RANBP2: variants seen among roughly 807,000 people sequenced by gnomAD.
RANBP2 encodes RAN binding protein 2.
In RANBP2, 57 loss-of-function variants were observed where a neutral mutation model predicts 303.6. The ratio of observed to expected loss-of-function variants is 0.19; its 90% CI spans 0.15 to 0.23. The LOEUF (loss-of-function observed/expected upper bound fraction) is 0.23, where lower values mean the gene tolerates loss of function less well. Among genes scored for constraint, RANBP2 ranks in the 10% least tolerant of loss-of-function variants. The pLI is 1.00. For missense variants in RANBP2, 3,138 were observed against 3,780.8 expected (o/e 0.83, Z 4.46); for synonymous variants, 1,167 against 1,301.5 (o/e 0.90, Z 2.23).
At chr2:108,833,156 T>G in the RANBP2 span, among the ~76,000 whole-genome samples, 1 of 152,206 alleles carries the variant, frequency 6.6e-6, no homozygotes, top group African/African-American at 2.4e-5. Flanking sequence ...GTGAAATTAT[T>G]TCCTGTGATA....
Position 108,768,220 on chromosome 2 carries a change from A to G in RANBP2, c.7681A>G (p.Ser2561Gly), listed in dbSNP as rs1280266919. 6 of 1,612,064 alleles carry G rather than the reference A, an allele frequency of 3.7e-6. No homozygotes were observed. The highest frequency in any genetic ancestry group is 5.1e-6 in the Non-Finnish European group (6 of 1,179,860). ...APLKSNNSETSSVAQSGSESK... is the reference protein window; with the variant it reads ...APLKSNNSETGSVAQSGSESK... ...TTTGAAAAGTAACAATAGTGAAACT[A>G]GTTCAGTAGCCCAGAGTGGATCTGA... Residue 2561 changes from serine (S) to glycine (G), a missense_variant, in exon 20 of 29, where the codon AGT becomes GGT. Ser to Gly is a moderately conservative substitution (Grantham distance 56, BLOSUM62 0). Coordinates refer to ENST00000283195, the MANE Select transcript of RANBP2 (RefSeq NM_006267.5).
the RANBP2 span, among the ~76,000 whole-genome samples, chr2:109,771,364 T>A: frequency 2.3e-5 from 2 of 85,208 alleles, 1 homozygote; most frequent in Admixed American, 2.9e-4. Flanking sequence ...TAAAGTCCGT[T>A]CTGCCTGAGC....
the RANBP2 span, among the ~76,000 whole-genome samples, chr2:109,326,479 G>T: frequency 6.6e-6 from 1 of 152,154 alleles, no homozygotes; most frequent in Non-Finnish European, 1.5e-5. Context: ...GGTGAGAGAC[G>T]TTTCCTTCTG....
chr2:109,600,582 C>T, the RANBP2 span, among the ~76,000 whole-genome samples: 1 of 151,154 alleles, frequency 6.6e-6, no homozygotes. Context: ...TGCTCTCACA[C>T]AACACAGGAT....
chr2:108,960,686 T>G, the RANBP2 span, among the ~76,000 whole-genome samples: 1 of 152,206 alleles, frequency 6.6e-6, no homozygotes, highest in South Asian at 2.1e-4. Context: ...AGAAGAAAAC[T>G]AAAAATCACT....
chr2:109,628,111 G>A, the RANBP2 span, among the ~76,000 whole-genome samples: 1 of 152,122 alleles, frequency 6.6e-6, no homozygotes. Flanking sequence ...ACATCTTCTG[G>A]GAGGATCCTG....
At chr2:109,391,589 C>T in the RANBP2 span, among the ~76,000 whole-genome samples, 10 of 152,320 alleles carry the variant, frequency 6.6e-5, no homozygotes, top group East Asian at 1.2e-3. Flanking sequence ...TGTGTGGCCA[C>T]GGCTTGTGGC....
chr2:109,523,823 A>G, the RANBP2 span, among the ~76,000 whole-genome samples: 71 of 152,272 alleles, frequency 4.7e-4, 3 homozygotes, highest in South Asian at 0.015. Flanking sequence ...AGACTGGGAC[A>G]TGGGCCACCA....
the RANBP2 span, chr2:109,490,611 A>C: frequency 6.9e-7 from 1 of 1,442,224 alleles, no homozygotes; most frequent in Non-Finnish European, 9.1e-7. Context: ...CCAGAAAGAG[A>C]AGAAGAGTGG....
the RANBP2 span, among the ~76,000 whole-genome samples, chr2:109,310,862 C>T: frequency 1.3e-5 from 1 of 76,590 alleles, no homozygotes; most frequent in East Asian, 4.2e-4. Flanking sequence ...AGTTTACCAA[C>T]CAAAAAGAGT....
chr2:108,999,600 G>A, the RANBP2 span, among the ~76,000 whole-genome samples: 16 of 152,264 alleles, frequency 1.1e-4, no homozygotes, highest in Admixed American at 3.3e-4. Flanking sequence ...TGGATATGGC[G>A]ACGCCACATG....
chr2:109,530,159 G>C, the RANBP2 span, among the ~76,000 whole-genome samples: 1 of 152,166 alleles, frequency 6.6e-6, no homozygotes, highest in Non-Finnish European at 1.5e-5. Flanking sequence ...ACCAGACACT[G>C]CGTTTGCCCT....
At chr2:109,007,131 T>A in the RANBP2 span, among the ~76,000 whole-genome samples, 1 of 152,192 alleles carries the variant, frequency 6.6e-6, no homozygotes, top group Non-Finnish European at 1.5e-5. Context: ...GCATTGCATA[T>A]GTGGATTTTG....
chr2:109,057,177 CATA>C, the RANBP2 span, among the ~76,000 whole-genome samples: 1 of 152,144 alleles, frequency 6.6e-6, no homozygotes, highest in Non-Finnish European at 1.5e-5. Flanking sequence ...TGTCATTATG[CATA>C]ATAAGATCTA....
the RANBP2 span, among the ~76,000 whole-genome samples, chr2:109,677,315 T>G: frequency 5.9e-5 from 9 of 152,190 alleles, no homozygotes; most frequent in Non-Finnish European, 1.2e-4. Flanking sequence ...GTCAGTGTCC[T>G]GCCCGACGTT....
At chr2:109,444,414 G>C in the RANBP2 span, among the ~76,000 whole-genome samples, 3 of 152,232 alleles carry the variant, frequency 2.0e-5, no homozygotes, top group Admixed American at 6.5e-5. Context: ...AGCAGGCCTT[G>C]TTGGGTGACT....
the RANBP2 span, among the ~76,000 whole-genome samples, chr2:109,648,056 C>A: frequency 9.2e-5 from 14 of 152,124 alleles, no homozygotes; most frequent in Non-Finnish European, 1.6e-4. Flanking sequence ...GGAGGGGTTA[C>A]AGGATGGAAA....
chr2:109,287,614 G>A, the RANBP2 span, among the ~76,000 whole-genome samples: 1 of 152,158 alleles, frequency 6.6e-6, no homozygotes, highest in African/African-American at 2.4e-5. Context: ...GCAGGTGGTT[G>A]GATTTGTCCA....
At chr2:109,252,369 A>G in the RANBP2 span, among the ~76,000 whole-genome samples, 1 of 152,210 alleles carries the variant, frequency 6.6e-6, no homozygotes, top group African/African-American at 2.4e-5. Context: ...AGTTGGATGC[A>G]AACTCTCAAA....
Sources: gnomAD v4.1 joint callset for allele counts (sites outside exome capture counted in the v4.1 genomes callset) on GRCh38, gnomAD v4.1.1 for gene constraint, MANE v1.5 for transcripts, NCBI Gene and HGNC (gene_info 2026-07-23, HGNC 2026-07-21) for gene names.